PTPN2: variants seen among roughly 807,000 people sequenced by gnomAD.
The protein encoded by PTPN2 is tyrosine-protein phosphatase non-receptor type 2.
Under a neutral mutation model 57.3 loss-of-function variants are expected in PTPN2, and 19 were observed. The observed-to-expected ratio is 0.33, with a 90% CI of 0.23 to 0.49. The LOEUF (loss-of-function observed/expected upper bound fraction) is 0.49, where lower values mean the gene tolerates loss of function less well. PTPN2 is among the 20% of genes least tolerant of loss of function. The pLI is 0.99. For missense variants in PTPN2, 358 were observed against 501.1 expected (o/e 0.71, Z 2.73); for synonymous variants, 153 against 164.9 (o/e 0.93, Z 0.55).
Position 12,872,682 on chromosome 18 carries a change from T to C in PTPN2, c.69+11391A>G, listed in dbSNP as rs566124508. 4.5e-4 allele frequency among the ~76,000 whole-genome samples: 68 copies of C among 152,046 alleles called. No homozygotes were observed. The Middle Eastern group carries it at 0.014, about 30-fold the overall frequency. On this transcript the variant is annotated intron_variant, in intron 1 of 8. Transcript: ENST00000309660. ...AACCACATGCTAAGTTTGCGGGGGA[T>C]TGTATTTGTGCGGACATTTCCTCTC...
intron 2 of PTPN2, chr18:12,840,629 G>A: frequency 1.4e-6 from 2 of 1,448,660 alleles, no homozygotes; most frequent in Non-Finnish European, 1.9e-6. Flanking sequence ...CCATCGCACT[G>A]TCACTCAGGG....
intron 2 of PTPN2, chr18:12,840,763 G>T: frequency 6.3e-7 from 1 of 1,598,460 alleles, no homozygotes; most frequent in Non-Finnish European, 8.5e-7. Flanking sequence ...TCCAGTTGGT[G>T]CCTTTACCAT....
chr18:12,876,724 C>A (rs1357045710), intron 1 of PTPN2, among the ~76,000 whole-genome samples: 6 of 152,198 alleles, frequency 3.9e-5, no homozygotes, highest in African/African-American at 1.2e-4. Context: ...CTGACAAAAG[C>A]TACAGAATCA....
chr18:12,852,191 A>AACACACACACACACACACACACACAC (rs139964591), intron 2 of PTPN2, among the ~76,000 whole-genome samples: 41 of 140,510 alleles, frequency 2.9e-4, no homozygotes, highest in Non-Finnish European at 5.4e-4. Context: ...ATGGGTTTTT[A>AACACACACACACACACACACACACAC]ACACACACAC....
intron 7 of PTPN2, among the ~76,000 whole-genome samples, chr18:12,812,096 T>G (rs1297961941): frequency 1.3e-5 from 2 of 152,168 alleles, no homozygotes; most frequent in Non-Finnish European, 2.9e-5. Context: ...ATATTTACTC[T>G]GGGGGGTTAA....
chr18:12,877,015 T>A (rs1272965190), intron 1 of PTPN2, among the ~76,000 whole-genome samples: 3 of 152,206 alleles, frequency 2.0e-5, no homozygotes, highest in African/African-American at 7.2e-5. Flanking sequence ...TCAGAAGGAC[T>A]GGATTTGAGT....
chr18:12,815,631 A>C (rs1314143727), intron 6 of PTPN2, among the ~76,000 whole-genome samples: 2 of 152,180 alleles, frequency 1.3e-5, no homozygotes, highest in Non-Finnish European at 2.9e-5. Context: ...TTAACAAAAT[A>C]ATCACCAGAG....
intron 6 of PTPN2, among the ~76,000 whole-genome samples, chr18:12,816,279 G>A (rs754105877): frequency 4.6e-5 from 7 of 152,106 alleles, no homozygotes; most frequent in Non-Finnish European, 1.0e-4. Context: ...CAGCCTGGGT[G>A]ACAGGGCAAG....
At chr18:12,817,896 T>C (rs2042131335) in intron 5 of PTPN2, among the ~76,000 whole-genome samples, 1 of 152,208 alleles carries the variant, frequency 6.6e-6, no homozygotes, top group South Asian at 2.1e-4. Context: ...ATCCCAGCAC[T>C]TTGGGAGGCC....
intron 2 of PTPN2, among the ~76,000 whole-genome samples, chr18:12,858,457 T>TCTG (rs1329254020): frequency 6.6e-6 from 1 of 152,232 alleles, no homozygotes; most frequent in Non-Finnish European, 1.5e-5. Context: ...ATTGTGTGCG[T>TCTG]CTGTGTGTGT....
intron 2 of PTPN2, among the ~76,000 whole-genome samples, chr18:12,837,789 C>G (rs1292178178): frequency 6.6e-6 from 1 of 152,140 alleles, no homozygotes; most frequent in African/African-American, 2.4e-5. Flanking sequence ...AATGAAAAAA[C>G]TGTTTATATT....
intron 6 of PTPN2, among the ~76,000 whole-genome samples, chr18:12,816,008 G>T (rs998830141): frequency 6.6e-6 from 1 of 152,136 alleles, no homozygotes; most frequent in Non-Finnish European, 1.5e-5. Context: ...TCAAGGTTAA[G>T]AACACCAGTC....
intron 1 of PTPN2, among the ~76,000 whole-genome samples, chr18:12,874,094 G>T (rs942440419): frequency 6.6e-6 from 1 of 151,880 alleles, no homozygotes; most frequent in Non-Finnish European, 1.5e-5. Context: ...CCGCCCGGCA[G>T]CCACCCTGTC....
At chr18:12,813,691 G>C (rs887989168) in intron 7 of PTPN2, among the ~76,000 whole-genome samples, 1 of 152,086 alleles carries the variant, frequency 6.6e-6, no homozygotes, top group Non-Finnish European at 1.5e-5. Flanking sequence ...TTTTAACTTA[G>C]TACATAACAC....
intron 3 of PTPN2, among the ~76,000 whole-genome samples, chr18:12,836,077 A>G (rs1212858690): frequency 2.0e-5 from 3 of 152,232 alleles, no homozygotes; most frequent in Non-Finnish European, 4.4e-5. Context: ...ATGTTTTCAA[A>G]AATCTCAAAT....
chr18:12,806,357 C>T (rs986588905), intron 7 of PTPN2, among the ~76,000 whole-genome samples: 1 of 152,102 alleles, frequency 6.6e-6, no homozygotes, highest in African/African-American at 2.4e-5. Context: ...AAAATTAATA[C>T]TGTTAAAATG....
intron 1 of PTPN2, among the ~76,000 whole-genome samples, chr18:12,879,938 T>G (rs574378538): frequency 2.0e-5 from 3 of 152,368 alleles, no homozygotes; most frequent in Admixed American, 2.0e-4. Flanking sequence ...TTAAACACTT[T>G]TTTCCTACTC....
At chr18:12,873,945 G>A (rs1292813743) in intron 1 of PTPN2, among the ~76,000 whole-genome samples, 2 of 149,358 alleles carry the variant, frequency 1.3e-5, no homozygotes, top group African/African-American at 2.5e-5. Flanking sequence ...TCGCGACCCC[G>A]TCTGGGAGGT....
chr18:12,877,061 A>G (rs7234029), intron 1 of PTPN2, among the ~76,000 whole-genome samples: 40,181 of 152,098 alleles, frequency 0.26, 7,339 homozygotes, highest in African/African-American at 0.52. Flanking sequence ...GTAACATCAG[A>G]TAAGTCACAA....
Sources: gnomAD v4.1 joint callset for allele counts (sites outside exome capture counted in the v4.1 genomes callset) on GRCh38, gnomAD v4.1.1 for gene constraint, MANE v1.5 for transcripts, NCBI Gene and HGNC (gene_info 2026-07-23, HGNC 2026-07-21) for gene names.